FGF20: variants seen among roughly 807,000 people sequenced by gnomAD.
FGF20 encodes fibroblast growth factor 20.
In FGF20, 8 loss-of-function variants were observed where a neutral mutation model predicts 16.7. That is an observed-to-expected ratio of 0.48 (90% confidence interval 0.28 to 0.87). The LOEUF (loss-of-function observed/expected upper bound fraction) is 0.87. Ranked by LOEUF, FGF20 falls within the 40% of genes least tolerant of loss-of-function variation. The pLI, the probability that FGF20 is intolerant of heterozygous loss-of-function variation, is 0.10. For missense variants in FGF20, 397 were observed against 281.4 expected, an observed-to-expected ratio of 1.41 and a Z score of -2.94; for synonymous variants, 161 against 118.6, an observed-to-expected ratio of 1.36 and a Z score of -2.32.
chr8:16,999,323 TGCGA>T (rs1045297294), intron 1 of FGF20, among the ~76,000 whole-genome samples: 12 of 152,182 alleles, frequency 7.9e-5, no homozygotes, highest in African/African-American at 2.9e-4. Context: ...AAACAAAATG[TGCGA>T]GCAAGATGAT....
At chr8:16,996,097 T>C (rs954062856) in intron 1 of FGF20, among the ~76,000 whole-genome samples, 3 of 152,094 alleles carry the variant, frequency 2.0e-5, no homozygotes, top group African/African-American at 7.2e-5. Context: ...TCTCCTGTAA[T>C]GGGGTGGTAG....
chr8:16,995,045 T>G (rs745438007), intron 2 of FGF20, among the ~76,000 whole-genome samples: 17 of 152,210 alleles, frequency 1.1e-4, no homozygotes, highest in Non-Finnish European at 2.4e-4. Flanking sequence ...GTGGCATATT[T>G]AAACATTTAT....
In FGF20 at chr8:16,993,230, C is replaced by G; in HGVS notation, c.478G>C (p.Asp160His). Reference protein sequence around the residue: ...TYSSNIYKHGDTGRRYFVALN... With the variant: ...TYSSNIYKHGHTGRRYFVALN... ...GCCACAAAATACCTGCGGCCAGTGT[C>G]TCCATGTTTATATATGTTAGATGAA... Residue 160 changes from aspartate (D) to histidine (H), a missense_variant, in exon 3 of 3, where the codon GAC (aspartate) becomes CAC (histidine). Coordinates refer to ENST00000180166, the MANE Select transcript of FGF20 (RefSeq NM_019851.3). The G allele has an allele frequency of 1.2e-6, 2 of 1,614,098 alleles. No individual in the cohort carries two copies. Among genetic ancestry groups the G allele is most frequent in the Non-Finnish European group, 8.5e-7 (1 of 1,180,010 alleles).
chr8:17,001,936 G>T lies in FGF20; in HGVS notation c.97C>A (p.Arg33=), dbSNP rs560178950. 1 of 1,493,810 alleles carries T rather than the reference G, an allele frequency of 6.7e-7. No individual in the cohort carries two copies. Among genetic ancestry groups the T allele is most frequent in the Admixed American group, 2.4e-5 (1 of 41,900 alleles). 92.5% of individuals were successfully genotyped at this position (1,493,810 alleles called of 1,614,324 possible). A position where few individuals can be genotyped will look rare whatever the true frequency, so the allele number is the denominator to read the frequency against. ...CTGCGCTCGCCCAGCAGCGGCGGCC[G>T]CTCCCCGGCAGGAGGCAACAGGAAA... The part of the protein sequence containing the change: ...SHFLLPPAGE[R]PPLLGERRSA... The change falls in exon 1 of 3, where the codon CGG becomes AGG. Residue 33 remains arginine, a synonymous_variant. Transcript: ENST00000180166.
rs17514971 is a variant in FGF20, at chr8:17,001,048, T to TC, written c.286+698dup. On this transcript the variant is annotated intron_variant, in intron 1 of 2. Coordinates refer to ENST00000180166, the MANE Select transcript of FGF20 (RefSeq NM_019851.3). ...GGTGGTCTTCCTCCTCCCCCACCCC[T>TC]CCCCCCCTTTCCTTTTCTTTTCTCA... 1.5e-3 allele frequency among the ~76,000 whole-genome samples: 109 copies of TC among 74,554 alleles called. 3 individuals carry two copies. In the East Asian group the frequency reaches 0.04, roughly 27 times the overall value. 48.9% of individuals were successfully genotyped at this position (74,554 alleles called of 152,430 possible). A position where few individuals can be genotyped will look rare whatever the true frequency, so the allele number is the denominator to read the frequency against.
chr8:16,999,679 G>A lies in FGF20; in HGVS notation c.286+2068C>T, dbSNP rs529852482. Among the ~76,000 whole-genome samples, 3 of 139,560 alleles carry A rather than the reference G, an allele frequency of 2.1e-5. No individual in the cohort carries two copies. The South Asian group carries it at 7.5e-4, about 35-fold the overall frequency. The allele number at this position is 139,560 out of a possible 152,430, so 91.6% of individuals were successfully genotyped here. Reference sequence around the variant, plus strand: ...TGGGATTACAGGTGCCCACCAACACGCCCAGCTAATTTTTTTTTTTTTTTT... The same window carrying A: ...TGGGATTACAGGTGCCCACCAACACACCCAGCTAATTTTTTTTTTTTTTTT... On this transcript the variant is annotated intron_variant, in intron 1 of 2. Coordinates refer to ENST00000180166, the MANE Select transcript of FGF20 (RefSeq NM_019851.3).
chr8:16,992,931 A>G lies in FGF20; in HGVS notation c.*141T>C, dbSNP rs373460171. ...AAATTTTTTTTGGTTTTTTTTCTCA[A>G]TATTCTTTCCAAATCCAGTCTCTCA... On this transcript the variant is annotated 3_prime_UTR_variant, in exon 3 of 3. Transcript: ENST00000180166. The G allele has an allele frequency of 9.7e-6, 11 of 1,134,128 alleles. No individual in the cohort carries two copies. Among genetic ancestry groups the G allele is most frequent in the African/African-American group, 7.8e-5 (5 of 64,308 alleles). 70.3% of individuals were successfully genotyped at this position (1,134,128 alleles called of 1,614,324 possible). A position where few individuals can be genotyped will look rare whatever the true frequency, so the allele number is the denominator to read the frequency against.
At chr8:16,999,790 C>T (rs1364388810) in intron 1 of FGF20, among the ~76,000 whole-genome samples, 1 of 151,090 alleles carries the variant, frequency 6.6e-6, no homozygotes, top group South Asian at 2.1e-4. Flanking sequence ...CCACCCGCCT[C>T]GGCCTCCCAA....
At chr8:16,999,706 T>C (rs28715253) in intron 1 of FGF20, among the ~76,000 whole-genome samples, 1 of 135,848 alleles carries the variant, frequency 7.4e-6, no homozygotes, top group South Asian at 2.4e-4. Context: ...TTTTTTTTTG[T>C]ATTTTTTGTA....
intron 1 of FGF20, among the ~76,000 whole-genome samples, chr8:16,997,192 C>CT (rs957061983): frequency 5.3e-5 from 8 of 151,994 alleles, no homozygotes; most frequent in African/African-American, 1.9e-4. Flanking sequence ...CTGGATCACC[C>CT]TTTTTTTTCT....
chr8:16,995,944 C>A (rs1453268824), intron 1 of FGF20, among the ~76,000 whole-genome samples, 186 bp from the exon 2 acceptor site: 2 of 151,898 alleles, frequency 1.3e-5, no homozygotes, highest in Non-Finnish European at 2.9e-5. Context: ...GAAAAAAGGA[C>A]AAAAAAGGAA....
At chr8:16,994,484 A>G (rs1334296497) in intron 2 of FGF20, among the ~76,000 whole-genome samples, 1 of 149,068 alleles carries the variant, frequency 6.7e-6, no homozygotes, top group Non-Finnish European at 1.5e-5. Flanking sequence ...TGTTTTTTCT[A>G]TTGTAATTCT....
At chr8:16,999,489 G>A (rs1810132264) in intron 1 of FGF20, among the ~76,000 whole-genome samples, 1 of 149,160 alleles carries the variant, frequency 6.7e-6, no homozygotes, top group African/African-American at 2.5e-5. Context: ...TTCTGTCACT[G>A]GAGAGATTAC....
At position 16,993,077 on chromosome 8, in the gene FGF20, T is replaced by G. The variant is rs573963889; in HGVS notation, c.631A>C (p.Thr211Pro). ...PELYKDLLMY[T>P] ...CATAATGTCACTATCGCACTTCAAGTGTACATCAGTAGGTCCTTGTACAAT... is the reference window on the plus strand; with the variant it reads ...CATAATGTCACTATCGCACTTCAAGGGTACATCAGTAGGTCCTTGTACAAT... The change falls in exon 3 of 3, where the codon ACT becomes CCT. Residue 211 changes from threonine (T) to proline (P), a missense_variant. By Grantham distance (38) the Thr-to-Pro change is conservative. Coordinates refer to ENST00000180166, the MANE Select transcript of FGF20 (RefSeq NM_019851.3). The G allele has an allele frequency of 4.5e-5, 72 of 1,613,936 alleles. No homozygotes were observed. The South Asian group carries it at 7.4e-4, about 17-fold the overall frequency.
At chr8:16,993,664 T>C (rs1311757970) in intron 2 of FGF20, among the ~76,000 whole-genome samples, 1 of 152,200 alleles carries the variant, frequency 6.6e-6, no homozygotes, top group Non-Finnish European at 1.5e-5. Flanking sequence ...TATTACATTG[T>C]AATATATAAT....
Position 16,993,227 on chromosome 8 carries a change from T to C in FGF20, c.481A>G (p.Thr161Ala), listed in dbSNP as rs1229326644. ...AGTGCCACAAAATACCTGCGGCCAG[T>C]GTCTCCATGTTTATATATGTTAGAT... is the stretch of plus-strand genomic sequence containing the variant. ...YSSNIYKHGD[T>A]GRRYFVALNK... Residue 161 changes from threonine (T) to alanine (A), a missense_variant, in exon 3 of 3, where the codon ACT becomes GCT. Physicochemically the swap from Thr to Ala is moderately conservative, Grantham distance 58 (BLOSUM62 0). Transcript: ENST00000180166. 2 of 1,614,166 alleles carry C rather than the reference T, an allele frequency of 1.2e-6. No individual in the cohort carries two copies. Among genetic ancestry groups the C allele is most frequent in the South Asian group, 2.2e-5 (2 of 91,086 alleles).
chr8:16,993,341 A>AT (rs750731123), intron 2 of FGF20, 24 bp from the exon 3 acceptor site: 2 of 1,562,194 alleles, frequency 1.3e-6, no homozygotes, highest in South Asian at 1.2e-5. Context: ...GATAACTATT[A>AT]TTTTTTAAAA....
Position 16,993,236 on chromosome 8 carries a change from G to C in FGF20, c.472C>G (p.His158Asp). 6.2e-7 allele frequency: 1 copy of C among 1,614,072 alleles called. No homozygotes were observed. The highest frequency in any genetic ancestry group is 8.5e-7 in the Non-Finnish European group (1 of 1,179,982). Reference sequence around the variant, plus strand: ...AAATACCTGCGGCCAGTGTCTCCATGTTTATATATGTTAGATGAATAGGTG... The same window carrying C: ...AAATACCTGCGGCCAGTGTCTCCATCTTTATATATGTTAGATGAATAGGTG... Reference protein sequence around the residue: ...YNTYSSNIYKHGDTGRRYFVA... With the variant: ...YNTYSSNIYKDGDTGRRYFVA... Residue 158 changes from histidine to aspartate, a missense_variant, in exon 3 of 3, where the codon CAT becomes GAT. Transcript: ENST00000180166.
chr8:16,997,638 A>G (rs1326448082), intron 1 of FGF20, among the ~76,000 whole-genome samples: 1 of 152,208 alleles, frequency 6.6e-6, no homozygotes, highest in African/African-American at 2.4e-5. Context: ...TAAATAGTCT[A>G]TAAGTGGCTT....
Sources: allele counts gnomAD v4.1 joint callset (sites outside exome capture counted in the v4.1 genomes callset), GRCh38; gene constraint gnomAD v4.1.1; transcripts MANE v1.5; gene names NCBI Gene and HGNC (gene_info 2026-07-23, HGNC 2026-07-21).